The following VRK2 variants were observed in gnomAD, a reference collection of about 807,000 sequenced individuals.
VRK2 encodes serine/threonine-protein kinase VRK2.
In VRK2, 60 loss-of-function variants were observed where a neutral mutation model predicts 57.6. That is an observed-to-expected ratio of 1.04 (90% confidence interval 0.85 to 1.29). The LOEUF (loss-of-function observed/expected upper bound fraction) is 1.29, where lower values mean the gene tolerates loss of function less well. Among genes scored for constraint, VRK2 ranks in the 50% most tolerant of loss-of-function variants. VRK2 has a pLI of 0.00. For synonymous variants in VRK2, 231 were observed against 199.2 expected (o/e 1.16, Z -1.35); for missense variants, 705 against 588.1 (o/e 1.20, Z -2.06).
intron 2 of VRK2, chr2:58,026,755 G>A (rs992348200): frequency 6.6e-6 from 1 of 152,104 alleles, no homozygotes; most frequent in Non-Finnish European, 1.5e-5. Context: ...GTCTCATTCT[G>A]TCACCCAAGC....
chr2:58,043,124 T>C (rs1558556655), upstream of VRK2, among the ~76,000 whole-genome samples: 1 of 152,210 alleles, frequency 6.6e-6, no homozygotes, highest in African/African-American at 2.4e-5. Context: ...CTTGAAACTT[T>C]ATTTTACTGT....
At chr2:58,105,975 C>T (rs910774910) in intron 7 of VRK2, among the ~76,000 whole-genome samples, 3 of 151,866 alleles carry the variant, frequency 2.0e-5, no homozygotes, top group Non-Finnish European at 4.4e-5. Flanking sequence ...CTGCTGTTTA[C>T]AGATATACCA....
At chr2:58,076,275 C>CATCT (rs1289490015) in intron 2 of VRK2, among the ~76,000 whole-genome samples, 2 of 151,954 alleles carry the variant, frequency 1.3e-5, no homozygotes, top group Non-Finnish European at 2.9e-5. Context: ...GCATTTAATA[C>CATCT]ATCTAGCCTA....
At chr2:57,987,336 T>C (rs1456027759) in intron 1 of VRK2, among the ~76,000 whole-genome samples, 1 of 151,966 alleles carries the variant, frequency 6.6e-6, no homozygotes, top group African/African-American at 2.4e-5. Context: ...CCAATAAAAA[T>C]GGGCAAAACT....
At chr2:58,139,254 TAA>T (rs1680976464) in intron 10 of VRK2, among the ~76,000 whole-genome samples, 2 of 152,084 alleles carry the variant, frequency 1.3e-5, no homozygotes, top group Admixed American at 1.3e-4. Context: ...TCCTTAGAAA[TAA>T]AGAGGTTTAT....
chr2:57,974,233 G>A (rs1408993349), intron 1 of VRK2, among the ~76,000 whole-genome samples: 1 of 151,824 alleles, frequency 6.6e-6, no homozygotes, highest in Non-Finnish European at 1.5e-5. Context: ...AACTGATAAA[G>A]CTTTAATCAT....
At chr2:58,130,013 C>G (rs1678944736) in intron 8 of VRK2, among the ~76,000 whole-genome samples, 1 of 152,158 alleles carries the variant, frequency 6.6e-6, no homozygotes, top group Non-Finnish European at 1.5e-5. Flanking sequence ...AGTTAACTCT[C>G]AAAGGGCTAT....
chr2:57,937,736 A>G (rs1020032216), intron 1 of VRK2, among the ~76,000 whole-genome samples: 1 of 152,184 alleles, frequency 6.6e-6, no homozygotes, highest in Non-Finnish European at 1.5e-5. Flanking sequence ...CTTCCAACTC[A>G]GAGGATCAAA....
chr2:58,093,824 C>G (rs1672730261), intron 7 of VRK2, among the ~76,000 whole-genome samples: 1 of 152,138 alleles, frequency 6.6e-6, no homozygotes, highest in Non-Finnish European at 1.5e-5. Context: ...TTTAATCCAT[C>G]TTGAATTAAT....
chr2:57,922,325 T>C (rs1453600247), intron 1 of VRK2, among the ~76,000 whole-genome samples: 1 of 151,998 alleles, frequency 6.6e-6, no homozygotes, highest in African/African-American at 2.4e-5. Flanking sequence ...TTTTCAGCTT[T>C]AGTGGGGTTT....
intron 7 of VRK2, among the ~76,000 whole-genome samples, chr2:58,094,103 C>T (rs1290351446): frequency 6.6e-6 from 1 of 152,204 alleles, no homozygotes; most frequent in Admixed American, 6.5e-5. Context: ...TAGCCTGATG[C>T]CTCCAGCTTT....
At chr2:58,122,422 T>C (rs1268421617) in intron 7 of VRK2, among the ~76,000 whole-genome samples, 1 of 152,206 alleles carries the variant, frequency 6.6e-6, no homozygotes, top group South Asian at 2.1e-4. Flanking sequence ...TATAGTTACA[T>C]GTATTATACA....
At chr2:58,062,884 A>G (rs1677554335) in intron 2 of VRK2, among the ~76,000 whole-genome samples, 1 of 152,144 alleles carries the variant, frequency 6.6e-6, no homozygotes. Flanking sequence ...GTTACACTAA[A>G]TAACAAATTT....
chr2:57,965,322 T>C (rs1296169873), intron 1 of VRK2, among the ~76,000 whole-genome samples: 1 of 152,210 alleles, frequency 6.6e-6, no homozygotes, highest in Non-Finnish European at 1.5e-5. Context: ...CTAAATCTGT[T>C]ATAATAACAC....
At chr2:57,962,425 T>A (rs1273515318) in intron 1 of VRK2, among the ~76,000 whole-genome samples, 1 of 152,216 alleles carries the variant, frequency 6.6e-6, no homozygotes, top group Non-Finnish European at 1.5e-5. Context: ...TTTTGTTTTT[T>A]AACTCTTATT....
chr2:58,109,954 G>C (rs533587081), intron 7 of VRK2, among the ~76,000 whole-genome samples: 1 of 152,166 alleles, frequency 6.6e-6, no homozygotes, highest in East Asian at 1.9e-4. Context: ...CCATCCATCT[G>C]GAAAAATAAA....
At chr2:57,920,742 T>C (rs1463955478) in intron 1 of VRK2, among the ~76,000 whole-genome samples, 5 of 152,060 alleles carry the variant, frequency 3.3e-5, no homozygotes, top group African/African-American at 1.2e-4. Flanking sequence ...CACCTACTAC[T>C]TTCAGTACCT....
chr2:58,135,001 T>G, intron 9 of VRK2, 140 bp from the exon 10 acceptor site: 3 of 787,250 alleles, frequency 3.8e-6, no homozygotes, highest in Non-Finnish European at 4.1e-6. Context: ...TTCCTATCCA[T>G]TATAGTTGGG....
intron 10 of VRK2, 104 bp from the exon 11 acceptor site, chr2:58,139,562 T>C (rs1183706057): frequency 8.3e-6 from 8 of 962,652 alleles, no homozygotes; most frequent in Non-Finnish European, 1.1e-5. Flanking sequence ...CTTCAGGAGA[T>C]GTAAATGTGT....
Sources: allele counts gnomAD v4.1 joint callset (sites outside exome capture counted in the v4.1 genomes callset), GRCh38; gene constraint gnomAD v4.1.1; transcripts MANE v1.5; gene names NCBI Gene and HGNC (gene_info 2026-07-23, HGNC 2026-07-21).